Variants in ERICH6B observed in about 807,000 individuals in gnomAD.
ERICH6B encodes the protein glutamate-rich protein 6B.
A neutral mutation model predicts 80.0 loss-of-function variants in ERICH6B; 69 were observed. That is an observed-to-expected ratio of 0.86 (90% CI 0.71 to 1.05). ERICH6B has a LOEUF of 1.05. Ranked by LOEUF, ERICH6B falls within the 50% of genes least tolerant of loss-of-function variation. The pLI, the probability that ERICH6B is intolerant of heterozygous loss-of-function variation, is 0.00. For missense variants in ERICH6B, 754 were observed against 796.1 expected, an observed-to-expected ratio of 0.95 and a Z score of 0.64; for synonymous variants, 283 against 291.9, an observed-to-expected ratio of 0.97 and a Z score of 0.31.
intron 11 of ERICH6B, chr13:45,553,031 AG>A (rs2137965622): frequency 4.1e-6 from 1 of 244,264 alleles, no homozygotes. Context: ...CTTGTTGTGA[AG>A]TCTTTAACTC....
chr13:45,547,625 A>G (rs761598544), intron 13 of ERICH6B, among the ~76,000 whole-genome samples: 1 of 152,232 alleles, frequency 6.6e-6, no homozygotes, highest in Non-Finnish European at 1.5e-5. Flanking sequence ...TGCAAGCACT[A>G]GAATAACTGC....
At chr13:45,562,645 C>T (rs931155026) in intron 10 of ERICH6B, among the ~76,000 whole-genome samples, 2 of 152,138 alleles carry the variant, frequency 1.3e-5, no homozygotes, top group African/African-American at 2.4e-5. Flanking sequence ...GAGGTCAATA[C>T]AGGCTTCCAT....
At position 45,606,499 on chromosome 13, in the gene ERICH6B, GTATGTGTATATATATA is replaced by G. The variant is rs1447779047; in HGVS notation, c.-59+1049_-59+1064del. On this transcript the variant is annotated intron_variant, in intron 2 of 14. Coordinates refer to ENST00000298738, the MANE Select transcript of ERICH6B (RefSeq NM_182542.3). ...TCTTCTTGGCTGAGATCCCAAAAGT[GTATGTGTATATATATA>G]TATATATATATATATATATATATAT... Among the ~76,000 whole-genome samples, 203 of 40,676 alleles carry G rather than the reference GTATGTGTATATATATA, an allele frequency of 5.0e-3. 14 individuals are homozygous for G. The highest frequency in any genetic ancestry group is 9.7e-3 in the African/African-American group (88 of 9,078). The allele number at this position is 40,676 out of a possible 152,430, so 26.7% of individuals were successfully genotyped here.
chr13:45,550,857 A>G (rs1593773983), intron 11 of ERICH6B, among the ~76,000 whole-genome samples: 2 of 151,984 alleles, frequency 1.3e-5, no homozygotes, highest in East Asian at 3.9e-4. Context: ...CCCATATTGG[A>G]TTGGGGCACA....
chr13:45,593,970 G>A (rs1268300259), intron 3 of ERICH6B, among the ~76,000 whole-genome samples: 1 of 152,204 alleles, frequency 6.6e-6, no homozygotes, highest in East Asian at 1.9e-4. Flanking sequence ...GTATATGTGA[G>A]TGTGACTGGC....
intron 11 of ERICH6B, among the ~76,000 whole-genome samples, chr13:45,555,120 A>G (rs1874383180): frequency 6.6e-6 from 1 of 152,180 alleles, no homozygotes. Flanking sequence ...CAGAGCTGGC[A>G]AAGATCTGAG....
rs571354243 is a variant in ERICH6B, at chr13:45,598,214, T to C, written c.-58-1151A>G. ...TCTGTGTGTTCTTGTTCAATTTTTT[T>C]CTTCCATTAGGTGTAAATGTCTCAA... On this transcript the variant is annotated intron_variant, in intron 2 of 14. Transcript: ENST00000298738. 2.0e-5 allele frequency among the ~76,000 whole-genome samples: 3 copies of C among 152,310 alleles called. No individual in the cohort carries two copies. In the South Asian group the frequency reaches 6.2e-4, roughly 32 times the overall value.
intron 8 of ERICH6B, 87 bp downstream of exon 8, chr13:45,574,755 C>T (rs1875308546): frequency 9.7e-7 from 1 of 1,033,360 alleles, no homozygotes; most frequent in Admixed American, 2.1e-5. Flanking sequence ...GAACCCAAGA[C>T]CTCAGCCAGC....
intron 8 of ERICH6B, 29 bp downstream of exon 8, chr13:45,574,813 G>GT: frequency 6.6e-7 from 1 of 1,507,406 alleles, no homozygotes; most frequent in South Asian, 1.2e-5. Flanking sequence ...GAAGCTGGGG[G>GT]GGGGGTCTCA....
chr13:45,573,605 A>T (rs1252726678), intron 8 of ERICH6B, among the ~76,000 whole-genome samples: 2 of 152,212 alleles, frequency 1.3e-5, no homozygotes, highest in Non-Finnish European at 2.9e-5. Context: ...CTTGCCTAAA[A>T]TCCTTTAGTA....
At chr13:45,593,497 T>C (rs1876238324) in intron 3 of ERICH6B, among the ~76,000 whole-genome samples, 1 of 152,182 alleles carries the variant, frequency 6.6e-6, no homozygotes, top group Non-Finnish European at 1.5e-5. Context: ...ATTTACCCAA[T>C]TAAATCCCTT....
intron 7 of ERICH6B, among the ~76,000 whole-genome samples, chr13:45,575,437 T>A (rs1241802215): frequency 6.7e-6 from 1 of 150,152 alleles, no homozygotes; most frequent in Non-Finnish European, 1.5e-5. Flanking sequence ...GTCGGGCGAG[T>A]GAGGGAGGGA....
At position 45,541,387 on chromosome 13, in the gene ERICH6B, T is replaced by C. The variant is rs2137948392; in HGVS notation, c.*75A>G. The C allele has an allele frequency of 7.7e-7, 1 of 1,306,126 alleles. No homozygotes were observed. Among genetic ancestry groups the C allele is most frequent in the Non-Finnish European group, 1.1e-6 (1 of 940,390 alleles). 80.9% of individuals were successfully genotyped at this position (1,306,126 alleles called of 1,614,324 possible). A position where few individuals can be genotyped will look rare whatever the true frequency, so the allele number is the denominator to read the frequency against. Reference sequence around the variant, plus strand: ...CTCTCATAAAAGGTCAACAGGTCTTTGGGTTTTTTTTCCCTGGAGCTCCCA... The same window carrying C: ...CTCTCATAAAAGGTCAACAGGTCTTCGGGTTTTTTTTCCCTGGAGCTCCCA... On this transcript the variant is annotated 3_prime_UTR_variant, in exon 15 of 15. Transcript: ENST00000298738.
chr13:45,596,348 C>G (rs554295650), intron 3 of ERICH6B, 21 bp downstream of exon 3: 2 of 1,537,006 alleles, frequency 1.3e-6, no homozygotes, highest in Admixed American at 2.0e-5. Flanking sequence ...CATAGATGCT[C>G]TCCCTCCTCC....
Position 45,579,943 on chromosome 13 carries a change from C to A in ERICH6B, c.951G>T (p.Lys317Asn), listed in dbSNP as rs765220425. 1.9e-6 allele frequency: 3 copies of A among 1,551,566 alleles called. No individual in the cohort carries two copies. Among genetic ancestry groups the A allele is most frequent in the Non-Finnish European group, 2.6e-6 (3 of 1,146,878 alleles). The change falls in exon 7 of 15, where the codon AAG becomes AAT. Residue 317 changes from lysine (K) to asparagine (N), a missense_variant. Physicochemically the swap from Lys to Asn is moderately conservative, Grantham distance 94. Transcript: ENST00000298738. Reference sequence around the variant, plus strand: ...ATGTCAGATGCTCACCATTTTCTTCCTTTTTTTGCTGTACTTTAGTGTTAA... The same window carrying A: ...ATGTCAGATGCTCACCATTTTCTTCATTTTTTTGCTGTACTTTAGTGTTAA... ...EHVNTKVQQK[K>N]EENVLEFASK...
chr13:45,565,140 T>G (rs1020977986), intron 9 of ERICH6B, among the ~76,000 whole-genome samples: 1 of 152,128 alleles, frequency 6.6e-6, no homozygotes, highest in Non-Finnish European at 1.5e-5. Context: ...GGTGTTTTTT[T>G]TTTGCTGATC....
intron 3 of ERICH6B, among the ~76,000 whole-genome samples, chr13:45,593,570 C>G (rs1458165638): frequency 1.3e-5 from 2 of 152,042 alleles, no homozygotes; most frequent in Non-Finnish European, 2.9e-5. Flanking sequence ...TGAAGACAAC[C>G]AAGACATGGA....
At chr13:45,597,186 C>G in intron 2 of ERICH6B, 123 bp from the exon 3 acceptor site, 1 of 682,804 alleles carries the variant, frequency 1.5e-6, no homozygotes, top group Admixed American at 3.0e-5. Flanking sequence ...GTATGCAGAT[C>G]AGTACATAGA....
intron 3 of ERICH6B, among the ~76,000 whole-genome samples, chr13:45,592,238 C>A (rs1387201984): frequency 6.6e-6 from 1 of 152,224 alleles, no homozygotes; most frequent in Non-Finnish European, 1.5e-5. Context: ...TTCGCTGGGA[C>A]AAGACACGTG....
Sources: gnomAD v4.1 joint callset for allele counts (sites outside exome capture counted in the v4.1 genomes callset) on GRCh38, gnomAD v4.1.1 for gene constraint, MANE v1.5 for transcripts, NCBI Gene and HGNC (gene_info 2026-07-23, HGNC 2026-07-21) for gene names.